MAD1L1: variants seen among roughly 807,000 people sequenced by gnomAD.
The protein encoded by MAD1L1 is mitotic arrest deficient 1 like 1.
Under a neutral mutation model 96.9 loss-of-function variants are expected in MAD1L1, and 95 were observed. The observed-to-expected ratio is 0.98, with a 90% CI of 0.83 to 1.16. The LOEUF is 1.16. MAD1L1 is among the 50% of genes most tolerant of loss of function. MAD1L1 has a pLI of 0.00. For missense variants in MAD1L1, 1,007 were observed against 954.4 expected, an observed-to-expected ratio of 1.06 and a Z score of -0.73; for synonymous variants, 473 against 396.6, an observed-to-expected ratio of 1.19 and a Z score of -2.29.
At position 2,016,957 on chromosome 7, in the gene MAD1L1, G is replaced by C. The variant is rs1019751222; in HGVS notation, c.1219-2315C>G. 4.6e-5 allele frequency among the ~76,000 whole-genome samples: 7 copies of C among 152,380 alleles called. No individual in the cohort carries two copies. In the South Asian group the frequency reaches 6.2e-4, roughly 14 times the overall value. The stretch of plus-strand genomic sequence containing the variant: ...ACGCGCGGACGCCGCGCAAGGCCGG[G>C]GCGGGGGACTTCCCTTGGTAAACAA... On this transcript the variant is annotated intron_variant, in intron 12 of 18. Transcript: ENST00000265854.
Position 1,847,402 on chromosome 7 carries a change from G to A in MAD1L1, c.1999-31174C>T, listed in dbSNP as rs1333852064. On this transcript the variant is annotated intron_variant, in intron 18 of 18. Coordinates refer to ENST00000265854, the MANE Select transcript of MAD1L1 (RefSeq NM_001013836.2). ...AGCGTTACGTGACTTGGGAAGATGT[G>A]GGGGGCCCGATGTATCTACCAGGAG... is the stretch of plus-strand genomic sequence containing the variant. The A allele has an allele frequency of 1.7e-5, 8 of 470,772 alleles. 1 individual carries two copies. Among genetic ancestry groups the A allele is most frequent in the South Asian group, 1.1e-4 (7 of 64,524 alleles). 29.2% of individuals were successfully genotyped at this position (470,772 alleles called of 1,614,324 possible). A position where few individuals can be genotyped will look rare whatever the true frequency, so the allele number is the denominator to read the frequency against.
intron 10 of MAD1L1, among the ~76,000 whole-genome samples, chr7:2,171,348 T>G (rs1790695134): frequency 2.0e-5 from 3 of 152,218 alleles, no homozygotes; most frequent in South Asian, 2.1e-4. Context: ...CTGTCAACAC[T>G]GTGGTGCTGG....
intron 18 of MAD1L1, chr7:1,845,749 C>T (rs1332263193): frequency 3.9e-5 from 6 of 152,158 alleles, no homozygotes; most frequent in African/African-American, 1.5e-4. Flanking sequence ...CGGGTTCCGG[C>T]TCACGGGGAG....
At chr7:1,828,710 C>T (rs909143948) in intron 18 of MAD1L1, among the ~76,000 whole-genome samples, 9 of 151,026 alleles carry the variant, frequency 6.0e-5, no homozygotes, top group African/African-American at 2.2e-4. Context: ...CACACACACA[C>T]GTGCATGCAC....
At chr7:2,198,947 CAG>C (rs201292653) in intron 10 of MAD1L1, among the ~76,000 whole-genome samples, 5,620 of 152,336 alleles carry the variant, frequency 0.037, 208 homozygotes, top group Non-Finnish European at 0.043. Flanking sequence ...GACCAGTCCA[CAG>C]AGAGACGCGC....
intron 10 of MAD1L1, among the ~76,000 whole-genome samples, chr7:2,181,865 T>C (rs1385207891): frequency 6.6e-6 from 1 of 151,960 alleles, no homozygotes; most frequent in African/African-American, 2.4e-5. Context: ...AGGAATGAAA[T>C]AATGGCATTT....
chr7:2,189,915 C>T (rs1219060153), intron 10 of MAD1L1, among the ~76,000 whole-genome samples: 1 of 152,172 alleles, frequency 6.6e-6, no homozygotes, highest in Non-Finnish European at 1.5e-5. Context: ...AATCTAAACG[C>T]TTTCCCTCTA....
chr7:1,956,935 A>T (rs139838713), intron 16 of MAD1L1, among the ~76,000 whole-genome samples: 6 of 152,342 alleles, frequency 3.9e-5, no homozygotes, highest in Non-Finnish European at 5.9e-5. Flanking sequence ...CCCAGTCAGC[A>T]AGCAACGTGG....
chr7:1,905,275 C>A lies in MAD1L1; in HGVS notation c.1808-6885G>T, dbSNP rs185126481. Among the ~76,000 whole-genome samples, 107 of 65,758 alleles carry A rather than the reference C, an allele frequency of 1.6e-3. 1 individual carries two copies. The highest frequency in any genetic ancestry group is 3.5e-3 in the South Asian group (5 of 1,422). The allele number at this position is 65,758 out of a possible 152,430, so 43.1% of individuals were successfully genotyped here. On this transcript the variant is annotated intron_variant, in intron 17 of 18. Coordinates refer to ENST00000265854, the MANE Select transcript of MAD1L1 (RefSeq NM_001013836.2). The stretch of plus-strand genomic sequence containing the variant: ...CAGTGGCCTACGGAAGACGCTCTTG[C>A]GGAACTCATGATTGATAAAGCACTG...
chr7:2,155,098 C>A (rs1284490884), intron 10 of MAD1L1, among the ~76,000 whole-genome samples: 3 of 152,150 alleles, frequency 2.0e-5, no homozygotes, highest in Non-Finnish European at 4.4e-5. Context: ...CGGCTTGGGG[C>A]TTCTGTGGCC....
intron 18 of MAD1L1, among the ~76,000 whole-genome samples, chr7:1,852,264 G>A (rs768638076): frequency 7.2e-5 from 11 of 152,332 alleles, no homozygotes; most frequent in South Asian, 2.1e-4. Context: ...CAGGGATGAC[G>A]GCAGCTGGGT....
intron 18 of MAD1L1, among the ~76,000 whole-genome samples, chr7:1,877,623 T>C (rs939438138): frequency 6.6e-6 from 1 of 152,178 alleles, no homozygotes; most frequent in Admixed American, 6.5e-5. Flanking sequence ...AAGATTCAAT[T>C]AGATGTTATC....
intron 15 of MAD1L1, among the ~76,000 whole-genome samples, chr7:1,979,257 G>A (rs1780784684): frequency 1.3e-5 from 2 of 152,168 alleles, no homozygotes; most frequent in Admixed American, 1.3e-4. Context: ...TCACTGCAGG[G>A]CCATTTGATG....
At chr7:1,946,536 G>C (rs1779236308) in intron 16 of MAD1L1, among the ~76,000 whole-genome samples, 1 of 152,272 alleles carries the variant, frequency 6.6e-6, no homozygotes. Context: ...AAAAGGAAAA[G>C]TTTGGAGCCT....
chr7:1,856,358 G>C (rs928675214), intron 18 of MAD1L1, among the ~76,000 whole-genome samples: 1 of 152,182 alleles, frequency 6.6e-6, no homozygotes, highest in Non-Finnish European at 1.5e-5. Flanking sequence ...CCAGGTGCTC[G>C]GGGAAGAACC....
intron 18 of MAD1L1, among the ~76,000 whole-genome samples, chr7:1,855,200 T>C (rs1163908623): frequency 6.6e-6 from 1 of 152,072 alleles, no homozygotes; most frequent in East Asian, 1.9e-4. Context: ...TCCCTCCTCT[T>C]TGGTTCCAGC....
intron 12 of MAD1L1, among the ~76,000 whole-genome samples, chr7:2,038,476 TAGG>T (rs2128509349): frequency 6.7e-6 from 1 of 150,182 alleles, no homozygotes; most frequent in African/African-American, 2.4e-5. Context: ...CTGATGCTGT[TAGG>T]AGATAATGAA....
At chr7:2,170,701 C>T (rs146458844) in intron 10 of MAD1L1, among the ~76,000 whole-genome samples, 95 of 152,174 alleles carry the variant, frequency 6.2e-4, no homozygotes, top group African/African-American at 2.0e-3. Flanking sequence ...GGCCACTGCA[C>T]GAGAAAGGGT....
At chr7:1,981,280 C>G (rs1780892830) in intron 14 of MAD1L1, among the ~76,000 whole-genome samples, 1 of 152,144 alleles carries the variant, frequency 6.6e-6, no homozygotes, top group African/African-American at 2.4e-5. Context: ...AGTGTGGATT[C>G]TAACTCGCCC....
Sources: allele counts gnomAD v4.1 joint callset (sites outside exome capture counted in the v4.1 genomes callset), GRCh38; gene constraint gnomAD v4.1.1; transcripts MANE v1.5; gene names NCBI Gene and HGNC (gene_info 2026-07-23, HGNC 2026-07-21).